The following MOK variants were observed in gnomAD, a reference collection of about 807,000 sequenced individuals.
MOK encodes MOK protein kinase, also known as MAPK/MAK/MRK overlapping kinase.
A neutral mutation model predicts 54.2 loss-of-function variants in MOK; 59 were observed. The ratio of observed to expected loss-of-function variants is 1.09; its 90% CI spans 0.88 to 1.35. The LOEUF (loss-of-function observed/expected upper bound fraction) is 1.35, where lower values mean the gene tolerates loss of function less well. Ranked by LOEUF, MOK falls within the 40% of genes most tolerant of loss-of-function variation. MOK has a pLI of 0.00. For missense variants in MOK, 517 were observed against 526.2 expected (o/e 0.98, Z 0.17); for synonymous variants, 210 against 202.7 (o/e 1.04, Z -0.31).
chr14:102,247,095 C>T (rs772014426), intron 7 of MOK, among the ~76,000 whole-genome samples: 4 of 152,110 alleles, frequency 2.6e-5, no homozygotes, highest in Admixed American at 6.6e-5. Flanking sequence ...CCGCCACCTG[C>T]GACTGTGTCC....
At chr14:102,293,292 G>A (rs980670315) in intron 1 of MOK, among the ~76,000 whole-genome samples, 1 of 152,142 alleles carries the variant, frequency 6.6e-6, no homozygotes, top group African/African-American at 2.4e-5. Flanking sequence ...TGTAACCATT[G>A]ATAACGATGC....
chr14:102,286,143 C>T (rs2070042348), intron 1 of MOK, among the ~76,000 whole-genome samples: 1 of 149,784 alleles, frequency 6.7e-6, no homozygotes, highest in East Asian at 2.0e-4. Context: ...ACTAAAAATA[C>T]AAAAAATTAG....
At chr14:102,227,472 C>T (rs77825964), downstream of MOK, among the ~76,000 whole-genome samples, 9,655 of 152,182 alleles carry the variant, frequency 0.063, 337 homozygotes, top group South Asian at 0.12. Flanking sequence ...TGCTCAGACA[C>T]CTCCCCTACA....
chr14:102,246,118 T>C (rs538460437), intron 7 of MOK: 1 of 152,144 alleles, frequency 6.6e-6, no homozygotes, highest in South Asian at 2.1e-4. Context: ...CAGCCAAAAG[T>C]CTCCCTCACT....
chr14:102,217,993 T>G, the MOK span, among the ~76,000 whole-genome samples: 2 of 152,224 alleles, frequency 1.3e-5, no homozygotes, highest in Non-Finnish European at 2.9e-5. Context: ...CTTCTCCCTC[T>G]GGGGGACGCC....
intron 2 of MOK, among the ~76,000 whole-genome samples, chr14:102,273,491 A>T (rs2068573505): frequency 6.6e-6 from 1 of 152,150 alleles, no homozygotes; most frequent in Non-Finnish European, 1.5e-5. Flanking sequence ...AAAACAGCTG[A>T]AACCGTCCAG....
intron 3 of MOK, among the ~76,000 whole-genome samples, chr14:102,265,378 TC>T (rs2067810276): frequency 6.6e-6 from 1 of 152,182 alleles, no homozygotes; most frequent in African/African-American, 2.4e-5. Context: ...ATGCCTGTAA[TC>T]CCAGCATTTT....
chr14:102,215,202 G>T, the MOK span, among the ~76,000 whole-genome samples: 2 of 152,160 alleles, frequency 1.3e-5, no homozygotes, highest in African/African-American at 4.8e-5. Flanking sequence ...AATGTTCTGC[G>T]TCTCAGATAC....
At chr14:102,298,831 G>A (rs1203486715) in intron 1 of MOK, among the ~76,000 whole-genome samples, 1 of 152,164 alleles carries the variant, frequency 6.6e-6, no homozygotes, top group Non-Finnish European at 1.5e-5. Context: ...TCACTGCAAA[G>A]GTCTGTAGCT....
chr14:102,297,429 G>A (rs1421463021), intron 1 of MOK, among the ~76,000 whole-genome samples: 5 of 152,236 alleles, frequency 3.3e-5, no homozygotes, highest in Admixed American at 2.6e-4. Context: ...CACAGAAGGA[G>A]ATGAAAAGGA....
intron 10 of MOK, 61 bp from the exon 11 acceptor site, chr14:102,229,718 A>G (rs1293347924): frequency 1.1e-5 from 15 of 1,426,696 alleles, no homozygotes; most frequent in Non-Finnish European, 1.3e-5. Flanking sequence ...GAAATTAGGA[A>G]AAACGAAAGA....
rs1484650896 is a variant in MOK, at chr14:102,261,407, AAAAAAAAAAAAATATATAT to A, written c.283+2120_283+2138del. 7.2e-4 allele frequency among the ~76,000 whole-genome samples: 57 copies of A among 78,804 alleles called. 2 individuals carry two copies. The highest frequency in any genetic ancestry group is 2.7e-3 in the African/African-American group (50 of 18,840). 51.7% of individuals were successfully genotyped at this position (78,804 alleles called of 152,430 possible). ...TCTCAAAAAAAAAAAAAAAAAAAAA[AAAAAAAAAAAAATATATAT>A]ATATATATATATATATATATATATA... is the stretch of plus-strand genomic sequence containing the variant. On this transcript the variant is annotated intron_variant, in intron 4 of 11. Coordinates refer to ENST00000361847, the MANE Select transcript of MOK (RefSeq NM_014226.3).
rs185456962 is a variant in MOK, at chr14:102,289,841, A to G, written c.8-6249T>C. Reference sequence around the variant, plus strand: ...CTTCTTTGTCAACAGTTATAATAATATGTCTCCATACTGTGAGGTGTAAGG... The same window carrying G: ...CTTCTTTGTCAACAGTTATAATAATGTGTCTCCATACTGTGAGGTGTAAGG... On this transcript the variant is annotated intron_variant, in intron 1 of 11. Coordinates refer to ENST00000361847, the MANE Select transcript of MOK (RefSeq NM_014226.3). Among the ~76,000 whole-genome samples, 545 of 152,266 alleles carry G rather than the reference A, an allele frequency of 3.6e-3. 5 individuals carry two copies. Among genetic ancestry groups the G allele is most frequent in the Non-Finnish European group, 3.4e-3 (230 of 68,010 alleles).
chr14:102,304,937 T>C, intron 1 of MOK, 25 bp downstream of exon 1: 1 of 1,152,560 alleles, frequency 8.7e-7, no homozygotes. Context: ...CTCCAGTCCC[T>C]GCCCCTTTCC....
At chr14:102,220,163 T>C (rs1003819094), downstream of MOK, among the ~76,000 whole-genome samples, 1 of 152,180 alleles carries the variant, frequency 6.6e-6, no homozygotes, top group Admixed American at 6.5e-5. The surrounding 1 kb of genome is among the most constrained non-coding windows in gnomAD (Gnocchi z 4.2). Context: ...CACCTCTGCG[T>C]CTCAGCAGCC....
chr14:102,236,335 C>G lies in MOK; in HGVS notation c.591-2546G>C, dbSNP rs1045447699. Among the ~76,000 whole-genome samples the G allele has an allele frequency of 6.6e-6, 1 of 152,204 alleles. No individual in the cohort carries two copies. ...TTTAAATTGATAGCGGGGCCACCTA[C>G]TCAGCTTTGCCTGAATTTTCAGGAC... is the stretch of plus-strand genomic sequence containing the variant. On this transcript the variant is annotated intron_variant, in intron 7 of 11. Coordinates refer to ENST00000361847, the MANE Select transcript of MOK (RefSeq NM_014226.3). This position sits in a 1 kb window ranked among gnomAD's most constrained non-coding sequence, Gnocchi z 4.5.
intron 7 of MOK, among the ~76,000 whole-genome samples, chr14:102,247,871 G>A (rs974781309): frequency 6.6e-6 from 1 of 152,204 alleles, no homozygotes; most frequent in Admixed American, 6.5e-5. Flanking sequence ...TGGTCCTTTA[G>A]TACCTGGTTT....
the MOK span, among the ~76,000 whole-genome samples, chr14:102,218,736 A>G: frequency 4.6e-5 from 7 of 152,070 alleles, no homozygotes; most frequent in East Asian, 1.3e-3. Flanking sequence ...ATTAGAGCCA[A>G]GGCTTGCCCC....
At chr14:102,252,585 T>A (rs2066620114) in intron 4 of MOK, among the ~76,000 whole-genome samples, 1 of 152,220 alleles carries the variant, frequency 6.6e-6, no homozygotes, top group East Asian at 1.9e-4. Context: ...CTCAACTATG[T>A]ATTAGTAGCA....
Sources: allele counts gnomAD v4.1 joint callset (sites outside exome capture counted in the v4.1 genomes callset), GRCh38; gene constraint gnomAD v4.1.1; non-coding constraint Gnocchi (gnomAD v3.1); transcripts MANE v1.5; gene names NCBI Gene and HGNC (gene_info 2026-07-23, HGNC 2026-07-21).